ASMTL: variants seen among roughly 807,000 people sequenced by gnomAD.
The protein encoded by ASMTL is acetylserotonin O-methyltransferase like, also known as probable bifunctional dTTP/UTP pyrophosphatase/methyltransferase protein.
Under a neutral mutation model 60.3 loss-of-function variants are expected in ASMTL, and 57 were observed. The ratio of observed to expected loss-of-function variants is 0.95; its 90% confidence interval spans 0.76 to 1.18. The LOEUF is 1.18. Among genes scored for constraint, ASMTL ranks in the 50% most tolerant of loss-of-function variants. The pLI, the probability that ASMTL is intolerant of heterozygous loss-of-function variation, is 0.00. For synonymous variants in ASMTL, 419 were observed against 373.0 expected (o/e 1.12, Z -1.42); for missense variants, 981 against 852.6 (o/e 1.15, Z -1.88).
intron 8 of ASMTL, among the ~76,000 whole-genome samples, chrX:1,422,962 ATTTT>A (rs1292570771): frequency 6.6e-6 from 1 of 151,384 alleles, no homozygotes; most frequent in Non-Finnish European, 1.5e-5. Context: ...TAATTTTTTA[ATTTT>A]TTTTGAGATG....
At chrX:1,424,554 ATCCATCTG>A (rs1282362664) in intron 8 of ASMTL, among the ~76,000 whole-genome samples, 1 of 92,020 alleles carries the variant, frequency 1.1e-5, no homozygotes, top group South Asian at 7.0e-4. Context: ...CCATCCATCC[ATCCATCTG>A]TCCGTCCATC....
chrX:1,414,393 A>T lies in ASMTL; in HGVS notation c.1523-1539T>A, dbSNP rs117403367. The stretch of plus-strand genomic sequence containing the variant: ...GCTGTTTTCCCCCAGCTGCGAGGAG[A>T]AGGTGCTCTTTCAGGGCTCATGATT... On this transcript the variant is annotated intron_variant, in intron 11 of 12. Transcript: ENST00000381317. 0.042 allele frequency among the ~76,000 whole-genome samples: 6,404 copies of T among 152,120 alleles called. 443 individuals carry two copies. The highest frequency in any genetic ancestry group is 0.15 in the African/African-American group (6,021 of 41,458).
At chrX:1,428,925 C>T (rs748591720) in intron 6 of ASMTL, among the ~76,000 whole-genome samples, 46 of 151,484 alleles carry the variant, frequency 3.0e-4, no homozygotes, top group African/African-American at 1.1e-3. Context: ...AAGACAGAGT[C>T]TCGCTCTGTC....
intron 4 of ASMTL, 30 bp downstream of exon 4, chrX:1,435,664 A>T (rs1258428473): frequency 1.2e-6 from 2 of 1,610,586 alleles, no homozygotes; most frequent in Non-Finnish European, 1.7e-6. Flanking sequence ...TCAGAACCCG[A>T]GAGGGCTCAG....
At chrX:1,443,220 G>A (rs1231891144) in intron 1 of ASMTL, among the ~76,000 whole-genome samples, 8 of 140,558 alleles carry the variant, frequency 5.7e-5, no homozygotes, top group Admixed American at 2.2e-4. Flanking sequence ...GACACACACC[G>A]TCGTCGTGCA....
chrX:1,415,212 A>ACG (rs1466208683), intron 11 of ASMTL, among the ~76,000 whole-genome samples: 4 of 4,248 alleles, frequency 9.4e-4, no homozygotes, highest in African/African-American at 1.1e-3. Context: ...GAGGGCTGGG[A>ACG]TTCCAGGCGT....
intron 1 of ASMTL, among the ~76,000 whole-genome samples, chrX:1,442,595 G>A (rs1372585418): frequency 1.3e-5 from 2 of 152,100 alleles, no homozygotes; most frequent in Non-Finnish European, 2.9e-5. Context: ...GATTGGCAAA[G>A]GAAGAAGCCA....
intron 6 of ASMTL, 177 bp from the exon 7 acceptor site, chrX:1,428,298 T>C: frequency 1.5e-5 from 4 of 269,756 alleles, no homozygotes; most frequent in Non-Finnish European, 2.0e-5. Flanking sequence ...TAGCCAGGCG[T>C]GGGGGCAGGC....
At chrX:1,453,453 C>G (rs1431017988), upstream of ASMTL, among the ~76,000 whole-genome samples, 1 of 152,032 alleles carries the variant, frequency 6.6e-6, no homozygotes, top group Non-Finnish European at 1.5e-5. Context: ...CTCCCCACCC[C>G]GCCTGCGGCG....
chrX:1,449,283 C>G (rs1379269539), intron 1 of ASMTL, among the ~76,000 whole-genome samples: 1 of 152,016 alleles, frequency 6.6e-6, no homozygotes, highest in Non-Finnish European at 1.5e-5. Flanking sequence ...CTCCTCAGCG[C>G]TCCTCACCTC....
At chrX:1,442,379 C>A in intron 1 of ASMTL, 62 bp from the exon 2 acceptor site, 3 of 1,594,126 alleles carry the variant, frequency 1.9e-6, no homozygotes, top group East Asian at 4.5e-5. Flanking sequence ...GTGAATGGGA[C>A]ATGCAAGATT....
chrX:1,433,501 T>TAAA lies in ASMTL; in HGVS notation c.401-1127_401-1125dup, dbSNP rs35959333. On this transcript the variant is annotated intron_variant, in intron 5 of 12. Transcript: ENST00000381317. ...TACCACGGTGAAACCCCGTCTCTAC[T>TAAA]AAAAAAAAAAAAAAAAAAAAAATAG... Among the ~76,000 whole-genome samples the TAAA allele has an allele frequency of 3.9e-3, 388 of 99,124 alleles. 3 individuals carry two copies. The highest frequency in any genetic ancestry group is 4.9e-3 in the Non-Finnish European group (256 of 51,990). The allele number at this position is 99,124 out of a possible 152,430, so 65.0% of individuals were successfully genotyped here.
chrX:1,430,275 G>C (rs755722812), intron 6 of ASMTL, among the ~76,000 whole-genome samples: 96 of 152,224 alleles, frequency 6.3e-4, no homozygotes, highest in Middle Eastern at 3.4e-3. Context: ...GCCTCCCAAA[G>C]TATTGGGATG....
Position 1,418,515 on chromosome X carries a change from G to A in ASMTL, c.1379-399C>T, listed in dbSNP as rs1283011793. Among the ~76,000 whole-genome samples the A allele has an allele frequency of 3.9e-5, 6 of 151,940 alleles. 1 individual carries two copies. The highest frequency in any genetic ancestry group is 4.2e-4 in the South Asian group (2 of 4,798). ...CTTCCTGCCATGGGGATGCAGACAC[G>A]ATGGCTGGTGCTACAGCAGCCACTC... On this transcript the variant is annotated intron_variant, in intron 10 of 12. Coordinates refer to ENST00000381317, the MANE Select transcript of ASMTL (RefSeq NM_004192.4).
chrX:1,439,075 G>A (rs781228776), intron 3 of ASMTL, 22 bp downstream of exon 3: 545 of 1,613,394 alleles, frequency 3.4e-4, no homozygotes, highest in Non-Finnish European at 4.1e-4. Flanking sequence ...CATTAGAAAC[G>A]AGGCACCCTG....
chrX:1,405,753 G>C (rs1283706914), intron 12 of ASMTL, among the ~76,000 whole-genome samples: 1 of 151,610 alleles, frequency 6.6e-6, no homozygotes, highest in Non-Finnish European at 1.5e-5. Context: ...TGGGTGAATA[G>C]ATGGTAGATG....
intron 1 of ASMTL, 131 bp from the exon 2 acceptor site, chrX:1,442,448 A>C (rs1247790703): frequency 2.9e-6 from 3 of 1,049,674 alleles, no homozygotes; most frequent in Non-Finnish European, 4.2e-6. Flanking sequence ...GAGCTCATCC[A>C]TCCGCCAAGC....
chrX:1,434,994 G>A (rs767846685), intron 5 of ASMTL, 28 bp downstream of exon 5: 5 of 1,612,956 alleles, frequency 3.1e-6, no homozygotes, highest in East Asian at 4.5e-5. Flanking sequence ...GGCCTCTGGG[G>A]CTACCCCGAA....
chrX:1,424,964 A>G (rs62635783), intron 8 of ASMTL, among the ~76,000 whole-genome samples: 99,340 of 148,418 alleles, frequency 0.67, 34,183 homozygotes, highest in South Asian at 0.86. Flanking sequence ...CCATCCATCC[A>G]TCCATCCCTC....
Sources: allele counts gnomAD v4.1 joint callset (sites outside exome capture counted in the v4.1 genomes callset), GRCh38; gene constraint gnomAD v4.1.1; transcripts MANE v1.5; gene names NCBI Gene and HGNC (gene_info 2026-07-23, HGNC 2026-07-21).